MRRF: variants seen among roughly 807,000 people sequenced by gnomAD.
MRRF encodes mitochondrial ribosome recycling factor.
Under a neutral mutation model 25.1 loss-of-function variants are expected in MRRF, and 18 were observed. That is an observed-to-expected ratio of 0.72 (90% CI 0.50 to 1.06). MRRF has a LOEUF of 1.06. MRRF is among the 50% of genes least tolerant of loss of function. The pLI, the probability that MRRF is intolerant of heterozygous loss-of-function variation, is 0.00. For missense variants in MRRF, 323 were observed against 319.3 expected, an observed-to-expected ratio of 1.01 and a Z score of -0.09; for synonymous variants, 113 against 112.1, an observed-to-expected ratio of 1.01 and a Z score of -0.05.
In MRRF at chr9:122,323,217, G is replaced by C. The variant is rs1835991089; in HGVS notation, c.*600G>C. 6.3e-6 allele frequency: 1 copy of C among 159,820 alleles called. No individual in the cohort carries two copies. Among genetic ancestry groups the C allele is most frequent in the African/African-American group, 2.4e-5 (1 of 41,496 alleles). The allele number at this position is 159,820 out of a possible 1,614,324, so 9.9% of individuals were successfully genotyped here. A position where few individuals can be genotyped will look rare whatever the true frequency, so the allele number is the denominator to read the frequency against. Reference sequence around the variant, plus strand: ...GGCTCTCTCTTCCCCTCCTTACCTGGCCAGTCCTGTTTATCATCAGGCCTT... The same window carrying C: ...GGCTCTCTCTTCCCCTCCTTACCTGCCCAGTCCTGTTTATCATCAGGCCTT... On this transcript the variant is annotated 3_prime_UTR_variant, in exon 7 of 7. Transcript: ENST00000344641.
intron 1 of MRRF, among the ~76,000 whole-genome samples, chr9:122,268,116 G>A (rs1832231554): frequency 1.3e-5 from 2 of 152,154 alleles, no homozygotes; most frequent in Admixed American, 1.3e-4. Flanking sequence ...TACCCTTAAG[G>A]TAAAGGACCT....
At chr9:122,265,234 A>G (rs909490868) in intron 1 of MRRF, among the ~76,000 whole-genome samples, 1 of 152,184 alleles carries the variant, frequency 6.6e-6, no homozygotes, top group Non-Finnish European at 1.5e-5. Context: ...AGGAGTAGAT[A>G]TTATTATCTC....
intron 6 of MRRF, among the ~76,000 whole-genome samples, chr9:122,317,473 T>A (rs1183982266): frequency 6.6e-6 from 1 of 152,156 alleles, no homozygotes; most frequent in Non-Finnish European, 1.5e-5. Flanking sequence ...TTGATATATA[T>A]AATAGTAGAA....
chr9:122,303,373 T>A (rs1373582478), intron 5 of MRRF, among the ~76,000 whole-genome samples: 3 of 151,790 alleles, frequency 2.0e-5, no homozygotes, highest in Admixed American at 2.0e-4. Context: ...TGACTTAATA[T>A]CTTGTGTACT....
chr9:122,296,753 TAAAC>T (rs1220105799), intron 5 of MRRF, among the ~76,000 whole-genome samples: 3 of 152,146 alleles, frequency 2.0e-5, no homozygotes, highest in Non-Finnish European at 4.4e-5. Context: ...CCCAAGCAAA[TAAAC>T]AAATAAGAAT....
intron 4 of MRRF, among the ~76,000 whole-genome samples, chr9:122,291,037 G>A (rs1308657954): frequency 6.6e-6 from 1 of 152,176 alleles, no homozygotes; most frequent in Admixed American, 6.5e-5. Flanking sequence ...CAGGCACAGA[G>A]CAAGATGCAT....
chr9:122,296,794 A>C (rs755382337), intron 5 of MRRF, among the ~76,000 whole-genome samples: 1 of 152,126 alleles, frequency 6.6e-6, no homozygotes, highest in Non-Finnish European at 1.5e-5. Flanking sequence ...TGTTTTACCA[A>C]ATGTCTATGG....
intron 3 of MRRF, among the ~76,000 whole-genome samples, chr9:122,283,980 TG>T (rs1833233983): frequency 1.3e-5 from 2 of 151,964 alleles, no homozygotes; most frequent in South Asian, 4.1e-4. Context: ...TTGTTGTTGT[TG>T]TTGTTGTTGT....
intron 3 of MRRF, 91 bp downstream of exon 3, chr9:122,280,689 A>T (rs774710627): frequency 2.6e-5 from 33 of 1,281,562 alleles, no homozygotes; most frequent in Non-Finnish European, 3.7e-5. Flanking sequence ...TTTGCCATTT[A>T]CTAACTGGTG....
rs1208100681 is a variant in MRRF, at chr9:122,328,373, A to G, written c.*5756A>G. ...TTACCATGCAGAACTGACGCTCTAT[A>G]CCCATTACACAACCCCAGTTCCCCC... On this transcript the variant is annotated 3_prime_UTR_variant, in exon 7 of 7. Coordinates refer to ENST00000344641, the MANE Select transcript of MRRF (RefSeq NM_138777.5). 1 of 152,146 alleles carries G rather than the reference A, an allele frequency of 6.6e-6. No homozygotes were observed. The highest frequency in any genetic ancestry group is 1.5e-5 in the Non-Finnish European group (1 of 68,042). The allele number at this position is 152,146 out of a possible 1,614,324, so 9.4% of individuals were successfully genotyped here.
intron 5 of MRRF, among the ~76,000 whole-genome samples, chr9:122,299,561 G>A (rs1834312318): frequency 1.3e-5 from 2 of 152,050 alleles, no homozygotes; most frequent in Non-Finnish European, 2.9e-5. Context: ...AACTTATAAA[G>A]GAGGCCACGA....
chr9:122,317,116 A>G (rs1835582359), intron 6 of MRRF, among the ~76,000 whole-genome samples: 1 of 151,226 alleles, frequency 6.6e-6, no homozygotes, highest in African/African-American at 2.4e-5. Flanking sequence ...TTTCCTTAGA[A>G]TAGACTGGAA....
intron 1 of MRRF, chr9:122,265,897 C>T (rs1832047981): frequency 2.0e-6 from 1 of 497,878 alleles, no homozygotes; most frequent in Admixed American, 2.5e-5. Flanking sequence ...TGTGTATAGT[C>T]AGATACTACA....
chr9:122,330,595 T>C lies in MRRF; in HGVS notation c.*7978T>C, dbSNP rs1428136343. ...GCTGTTATTTTGTTCATTCTACAAG[T>C]GAGGAAGGAAGCACAGACAGTGGTT... On this transcript the variant is annotated 3_prime_UTR_variant, in exon 7 of 7. Transcript: ENST00000344641. This position sits in a 1 kb window ranked among gnomAD's most constrained non-coding sequence, Gnocchi z 4.2. 6.6e-6 allele frequency: 1 copy of C among 152,020 alleles called. No individual in the cohort carries two copies. The highest frequency in any genetic ancestry group is 1.5e-5 in the Non-Finnish European group (1 of 68,014). The allele number at this position is 152,020 out of a possible 1,614,324, so 9.4% of individuals were successfully genotyped here. A position where few individuals can be genotyped will look rare whatever the true frequency, so the allele number is the denominator to read the frequency against.
chr9:122,274,761 A>C (rs925587571), intron 2 of MRRF, among the ~76,000 whole-genome samples: 1 of 151,692 alleles, frequency 6.6e-6, no homozygotes, highest in African/African-American at 2.4e-5. Context: ...AGTCATGTCC[A>C]TTTTTTCTTT....
intron 5 of MRRF, among the ~76,000 whole-genome samples, chr9:122,293,002 AAAC>A (rs1833873929): frequency 6.6e-6 from 1 of 152,174 alleles, no homozygotes; most frequent in Admixed American, 6.5e-5. Context: ...TAAACAAAAC[AAAC>A]AACAAAAAGT....
At chr9:122,319,147 CTTTTTTTTTTT>C (rs35949709) in intron 6 of MRRF, among the ~76,000 whole-genome samples, 2 of 121,016 alleles carry the variant, frequency 1.7e-5, no homozygotes, top group Admixed American at 8.5e-5. Flanking sequence ...TTCTTTCTTT[CTTTTTTTTTTT>C]TTTTTTTTTT....
At chr9:122,307,060 T>C (rs1014281359) in intron 5 of MRRF, among the ~76,000 whole-genome samples, 3 of 152,144 alleles carry the variant, frequency 2.0e-5, no homozygotes, top group Admixed American at 2.0e-4. Context: ...AACAGGCTAG[T>C]GGGATGAGGC....
rs528247502 is a variant in MRRF, at chr9:122,301,539, G to T, written c.551+9699G>T. 5.3e-5 allele frequency among the ~76,000 whole-genome samples: 8 copies of T among 152,270 alleles called. No homozygotes were observed. In the South Asian group the frequency reaches 1.7e-3, roughly 32 times the overall value. ...ATTTACTTTTGTGAAGATTTGTTGG[G>T]AGAAGCTCCTGTGAAGGATAGAGGG... On this transcript the variant is annotated intron_variant, in intron 5 of 6. Coordinates refer to ENST00000344641, the MANE Select transcript of MRRF (RefSeq NM_138777.5).
Sources: gnomAD v4.1 joint callset for allele counts (sites outside exome capture counted in the v4.1 genomes callset) on GRCh38, gnomAD v4.1.1 for gene constraint, Gnocchi (gnomAD v3.1) non-coding constraint, MANE v1.5 for transcripts, NCBI Gene and HGNC (gene_info 2026-07-23, HGNC 2026-07-21) for gene names.